PARD3B: variants seen among roughly 807,000 people sequenced by gnomAD.
PARD3B encodes partitioning defective 3 homolog B.
Under a neutral mutation model 130.2 loss-of-function variants are expected in PARD3B, and 103 were observed. That is an observed-to-expected ratio of 0.79 (90% CI 0.67 to 0.93). The LOEUF (loss-of-function observed/expected upper bound fraction) is 0.93. Ranked by LOEUF, PARD3B falls within the 40% of genes least tolerant of loss-of-function variation. PARD3B has a pLI of 0.00. For synonymous variants in PARD3B, 583 were observed against 553.2 expected (o/e 1.05, Z -0.76); for missense variants, 1,609 against 1,499.2 (o/e 1.07, Z -1.21).
intron 16 of PARD3B, among the ~76,000 whole-genome samples, chr2:205,284,842 T>A (rs1478270693): frequency 6.6e-6 from 1 of 152,142 alleles, no homozygotes; most frequent in East Asian, 1.9e-4. Context: ...CATGGCTATA[T>A]CTAGTGCCAA....
intron 3 of PARD3B, among the ~76,000 whole-genome samples, chr2:204,978,409 A>C (rs1460861381): frequency 6.6e-6 from 1 of 152,182 alleles, no homozygotes; most frequent in Admixed American, 6.5e-5. Flanking sequence ...ATTCTGTGCA[A>C]CAGTTCTCAC....
chr2:204,633,324 C>T (rs2034754746), intron 1 of PARD3B, among the ~76,000 whole-genome samples: 1 of 151,290 alleles, frequency 6.6e-6, no homozygotes, highest in Non-Finnish European at 1.5e-5. Flanking sequence ...GAAATCTGTA[C>T]CCCCCAACAT....
intron 2 of PARD3B, among the ~76,000 whole-genome samples, chr2:204,830,068 T>C (rs573835188): frequency 5.9e-5 from 9 of 151,274 alleles, no homozygotes; most frequent in African/African-American, 2.2e-4. Flanking sequence ...CCTGCCACCA[T>C]GTGAAGAAGT....
intron 3 of PARD3B, among the ~76,000 whole-genome samples, chr2:205,036,589 C>T (rs577998569): frequency 1.1e-4 from 16 of 148,720 alleles, no homozygotes; most frequent in African/African-American, 3.7e-4. Flanking sequence ...TATATATACA[C>T]AGCGGACTGT....
intron 19 of PARD3B, among the ~76,000 whole-genome samples, chr2:205,419,041 T>C (rs1052003946): frequency 3.9e-5 from 6 of 152,200 alleles, no homozygotes; most frequent in Non-Finnish European, 7.3e-5. Flanking sequence ...CATTTGTATA[T>C]AGTACTATGT....
chr2:205,359,591 G>C (rs1021381712), intron 18 of PARD3B, among the ~76,000 whole-genome samples: 1 of 152,138 alleles, frequency 6.6e-6, no homozygotes, highest in African/African-American at 2.4e-5. Flanking sequence ...TGCATGTAGT[G>C]ACTTAAGTGT....
intron 2 of PARD3B, among the ~76,000 whole-genome samples, chr2:204,780,616 A>G (rs1423695141): frequency 6.6e-6 from 1 of 152,154 alleles, no homozygotes; most frequent in African/African-American, 2.4e-5. Flanking sequence ...GAATGTTTAG[A>G]ACGATTTTAA....
intron 2 of PARD3B, among the ~76,000 whole-genome samples, chr2:204,756,146 A>C: frequency 6.6e-6 from 1 of 152,144 alleles, no homozygotes; most frequent in East Asian, 1.9e-4. Context: ...GCAAAGAAAT[A>C]CAATACAGCT....
At chr2:204,726,521 C>T (rs910479946) in intron 2 of PARD3B, among the ~76,000 whole-genome samples, 1 of 152,256 alleles carries the variant, frequency 6.6e-6, no homozygotes, top group East Asian at 1.9e-4. Flanking sequence ...ATTCTGAAAC[C>T]TCAAAGCCCC....
chr2:205,520,118 G>A (rs890442235), intron 21 of PARD3B, among the ~76,000 whole-genome samples: 3 of 152,138 alleles, frequency 2.0e-5, no homozygotes, highest in African/African-American at 4.8e-5. Flanking sequence ...AGGCAAAAAA[G>A]GAAGGGACCT....
At chr2:204,869,841 A>G (rs142671506) in intron 2 of PARD3B, among the ~76,000 whole-genome samples, 1 of 152,090 alleles carries the variant, frequency 6.6e-6, no homozygotes, top group African/African-American at 2.4e-5. Context: ...TGTTTTAAAG[A>G]TATGTGTCTG....
chr2:205,126,497 T>C (rs1008094440), intron 10 of PARD3B, among the ~76,000 whole-genome samples: 3 of 151,954 alleles, frequency 2.0e-5, no homozygotes, highest in African/African-American at 7.3e-5. Context: ...TACCCAGCAC[T>C]TTGGGAGGCC....
At chr2:204,894,680 C>G (rs2046580208) in intron 2 of PARD3B, among the ~76,000 whole-genome samples, 1 of 151,950 alleles carries the variant, frequency 6.6e-6, no homozygotes. Context: ...AAACCCAACC[C>G]CCAAATGCTT....
At chr2:205,432,209 A>G (rs1405562903) in intron 19 of PARD3B, among the ~76,000 whole-genome samples, 1 of 152,134 alleles carries the variant, frequency 6.6e-6, no homozygotes, top group Non-Finnish European at 1.5e-5. Flanking sequence ...TGTATGGACA[A>G]CCACCACCTT....
At chr2:205,427,954 T>G (rs1205737745) in intron 19 of PARD3B, among the ~76,000 whole-genome samples, 1 of 152,166 alleles carries the variant, frequency 6.6e-6, no homozygotes, top group Non-Finnish European at 1.5e-5. Flanking sequence ...GATCTGAATG[T>G]TTTTTTCGCC....
intron 1 of PARD3B, among the ~76,000 whole-genome samples, chr2:204,644,237 C>T (rs1281127826): frequency 6.6e-6 from 1 of 152,094 alleles, no homozygotes; most frequent in Non-Finnish European, 1.5e-5. Flanking sequence ...CATGGGGACA[C>T]ATTTCTCTAC....
chr2:205,045,395 G>A (rs544646095), intron 3 of PARD3B, among the ~76,000 whole-genome samples: 75 of 151,736 alleles, frequency 4.9e-4, no homozygotes, highest in African/African-American at 1.5e-3. Context: ...TTACAGTTGC[G>A]TACCACCATG....
chr2:205,616,345 G>A lies in PARD3B; in HGVS notation c.*532G>A, dbSNP rs1224968378. ...AAGTGAGTATAGGTTTTTTGACTAAGAAAAAAAACAACAGCAAACATGACT... is the reference window on the plus strand; with the variant it reads ...AAGTGAGTATAGGTTTTTTGACTAAAAAAAAAAACAACAGCAAACATGACT... On this transcript the variant is annotated 3_prime_UTR_variant, in exon 23 of 23. Coordinates refer to ENST00000406610, the MANE Select transcript of PARD3B (RefSeq NM_001302769.2). 1 of 152,028 alleles carries A rather than the reference G, an allele frequency of 6.6e-6. No individual in the cohort carries two copies. Among genetic ancestry groups the A allele is most frequent in the Admixed American group, 6.6e-5 (1 of 15,230 alleles). The allele number at this position is 152,028 out of a possible 1,614,324, so 9.4% of individuals were successfully genotyped here. A position where few individuals can be genotyped will look rare whatever the true frequency, so the allele number is the denominator to read the frequency against.
At position 205,176,351 on chromosome 2, in the gene PARD3B, C is replaced by T; in HGVS notation, c.1792-94C>T. On this transcript the variant is annotated intron_variant, in intron 12 of 22. Coordinates refer to ENST00000406610, the MANE Select transcript of PARD3B (RefSeq NM_001302769.2). The surrounding 1 kb of genome is among the most constrained non-coding windows in gnomAD (Gnocchi z 5.3). ...TTAAGTGTAATAGACTCTTGAAAGACTATTCATACAGCGATCATTCTTTCA... is the reference window on the plus strand; with the variant it reads ...TTAAGTGTAATAGACTCTTGAAAGATTATTCATACAGCGATCATTCTTTCA... 4.8e-6 allele frequency: 6 copies of T among 1,240,348 alleles called. No homozygotes were observed. Among genetic ancestry groups the T allele is most frequent in the Non-Finnish European group, 6.6e-6 (6 of 906,578 alleles). 76.8% of individuals were successfully genotyped at this position (1,240,348 alleles called of 1,614,324 possible).
Sources: allele counts gnomAD v4.1 joint callset (sites outside exome capture counted in the v4.1 genomes callset), GRCh38; gene constraint gnomAD v4.1.1; non-coding constraint Gnocchi (gnomAD v3.1); transcripts MANE v1.5; gene names NCBI Gene and HGNC (gene_info 2026-07-23, HGNC 2026-07-21).